Variants in BTNL8 observed in about 807,000 individuals in gnomAD.
The protein encoded by BTNL8 is butyrophilin like 8.
Under a neutral mutation model 36.1 loss-of-function variants are expected in BTNL8, and 22 were observed. The ratio of observed to expected loss-of-function variants is 0.61; its 90% CI spans 0.44 to 0.87. BTNL8 has a LOEUF of 0.87. Among genes scored for constraint, BTNL8 ranks in the 40% least tolerant of loss-of-function variants. The pLI is 0.00. For synonymous variants in BTNL8, 203 were observed against 235.6 expected, an observed-to-expected ratio of 0.86 and a Z score of 1.27; for missense variants, 526 against 616.9, an observed-to-expected ratio of 0.85 and a Z score of 1.56.
chr5:180,918,027 TC>T (rs1757719412), intron 3 of BTNL8, among the ~76,000 whole-genome samples: 1 of 88,056 alleles, frequency 1.1e-5, no homozygotes, highest in Non-Finnish European at 2.2e-5. Flanking sequence ...AGATTCTGTC[TC>T]AAAAAAAAAA....
At chr5:180,929,287 C>T (rs1308256506) in intron 3 of BTNL8, among the ~76,000 whole-genome samples, 1 of 152,108 alleles carries the variant, frequency 6.6e-6, no homozygotes, top group Non-Finnish European at 1.5e-5. Context: ...CACAATGTAC[C>T]AGAACCTCTG....
chr5:180,926,318 C>T (rs138732229), intron 3 of BTNL8, among the ~76,000 whole-genome samples: 6,815 of 152,250 alleles, frequency 0.045, 410 homozygotes, highest in African/African-American at 0.13. Flanking sequence ...TTCCCATGGT[C>T]TTTGCAACTC....
chr5:180,941,914 T>TTTTTTTTTTTTTTTTTTTTTTGAGACGG (rs1281454934), intron 3 of BTNL8, among the ~76,000 whole-genome samples: 1 of 150,986 alleles, frequency 6.6e-6, no homozygotes. Flanking sequence ...TTACTACTCT[T>TTTTTTTTTTTTTTTTTTTTTTGAGACGG]ATTCAACAAA....
chr5:180,907,404 T>C (rs200789257), intron 1 of BTNL8, among the ~76,000 whole-genome samples: 4,507 of 128,116 alleles, frequency 0.035, 266 homozygotes, highest in African/African-American at 0.16. Context: ...CTGTATTGGT[T>C]ATTCTAGTTA....
chr5:180,947,545 C>G lies in BTNL8; in HGVS notation c.707C>G (p.Ala236Gly). The G allele has an allele frequency of 6.2e-7, 1 of 1,613,950 alleles. No homozygotes were observed. Among genetic ancestry groups the G allele is most frequent in the Non-Finnish European group, 8.5e-7 (1 of 1,179,786 alleles). The stretch of plus-strand genomic sequence containing the variant: ...TTCGAGCCTATATCGTGGCACCTGG[C>G]TACCAAAGTACTGGGAATACTCTGC... ...TFFEPISWHL[A>G]TKVLGILCCG... The change falls in exon 4 of 8, where the codon GCT becomes GGT. Residue 236 changes from alanine (A) to glycine (G), a missense_variant. Ala to Gly is a moderately conservative substitution (Grantham distance 60). Transcript: ENST00000340184.
intron 3 of BTNL8, among the ~76,000 whole-genome samples, chr5:180,920,945 T>C (rs904353518): frequency 6.6e-6 from 1 of 152,128 alleles, no homozygotes; most frequent in African/African-American, 2.4e-5. Context: ...ATATTACAGG[T>C]GTTACTACAT....
intron 3 of BTNL8, among the ~76,000 whole-genome samples, chr5:180,916,078 AGT>A (rs2113794780): frequency 6.6e-6 from 1 of 152,324 alleles, no homozygotes; most frequent in African/African-American, 2.4e-5. Context: ...AGGGCCTTCT[AGT>A]TGTGTAATTC....
intron 3 of BTNL8, among the ~76,000 whole-genome samples, chr5:180,940,957 G>A (rs758750131): frequency 2.0e-5 from 3 of 152,060 alleles, no homozygotes; most frequent in Non-Finnish European, 4.4e-5. Context: ...GCTGGGCTTG[G>A]TGGCATGCAC....
At chr5:180,947,984 T>A in intron 4 of BTNL8, 1 of 678,842 alleles carries the variant, frequency 1.5e-6, no homozygotes, top group South Asian at 2.1e-5. Flanking sequence ...GACAATAAGA[T>A]AAAATTATAT....
chr5:180,920,754 T>C (rs1017635679), intron 3 of BTNL8, among the ~76,000 whole-genome samples: 3 of 151,932 alleles, frequency 2.0e-5, no homozygotes, highest in African/African-American at 7.2e-5. Context: ...CCAAAAATAT[T>C]CCAATTTTTA....
chr5:180,943,298 C>A (rs533497960), intron 3 of BTNL8, among the ~76,000 whole-genome samples: 1 of 151,666 alleles, frequency 6.6e-6, no homozygotes, highest in Non-Finnish European at 1.5e-5. Context: ...CCACACCCAG[C>A]TAATTTTTAT....
At chr5:180,932,833 A>G (rs1241687861) in intron 3 of BTNL8, among the ~76,000 whole-genome samples, 2 of 152,220 alleles carry the variant, frequency 1.3e-5, no homozygotes, top group Non-Finnish European at 2.9e-5. Context: ...GTACCTATAA[A>G]TAACCTTGAA....
At chr5:180,940,196 A>G (rs1758856386) in intron 3 of BTNL8, among the ~76,000 whole-genome samples, 1 of 152,066 alleles carries the variant, frequency 6.6e-6, no homozygotes, top group South Asian at 2.1e-4. Context: ...AATACAAAAA[A>G]TTGGCTGAGC....
At chr5:180,914,188 C>T (rs921610234) in intron 3 of BTNL8, among the ~76,000 whole-genome samples, 10 of 152,228 alleles carry the variant, frequency 6.6e-5, no homozygotes, top group Admixed American at 6.5e-4. Context: ...AGGACTATGC[C>T]CATATGAATG....
At chr5:180,943,130 CTTTTTTTT>C (rs35271643) in intron 3 of BTNL8, among the ~76,000 whole-genome samples, 2 of 100,654 alleles carry the variant, frequency 2.0e-5, no homozygotes, top group East Asian at 5.5e-4. Context: ...GGAAGATAGA[CTTTTTTTT>C]TTTTTTTTTT....
Position 180,908,678 on chromosome 5 carries a change from G to C in BTNL8, c.142G>C (p.Ala48Pro). 1 of 1,614,216 alleles carries C rather than the reference G, an allele frequency of 6.2e-7. No homozygotes were observed. The highest frequency in any genetic ancestry group is 8.5e-7 in the Non-Finnish European group (1 of 1,180,036). The stretch of plus-strand genomic sequence containing the variant: ...CTGTTTCCTGTCTCCTAAGACCAAT[G>C]CAGAGGCCATGGAAGTGCGGTTCTT... Reference protein sequence around the residue: ...FSCFLSPKTNAEAMEVRFFRG... With the variant: ...FSCFLSPKTNPEAMEVRFFRG... The change falls in exon 2 of 8, where the codon GCA (alanine) becomes CCA (proline). Residue 48 changes from alanine to proline, a missense_variant. Ala to Pro is a conservative substitution (Grantham distance 27). Transcript: ENST00000340184.
At position 180,902,460 on chromosome 5, in the gene BTNL8, C is replaced by T. The variant is rs574648461; in HGVS notation, c.49+3101C>T. On this transcript the variant is annotated intron_variant, in intron 1 of 7. Coordinates refer to ENST00000340184, the MANE Select transcript of BTNL8 (RefSeq NM_001040462.3). ...ATAGGATTGTGATGAATGTTTCCCC[C>T]TGATGCACATCTCCAGCCCAGCCCA... 195 of 1,485,754 alleles carry T rather than the reference C, an allele frequency of 1.3e-4. 3 individuals carry two copies. The South Asian group carries it at 2.3e-3, about 17-fold the overall frequency. 92.0% of individuals were successfully genotyped at this position (1,485,754 alleles called of 1,614,324 possible).
At chr5:180,907,707 G>A (rs1392269689) in intron 1 of BTNL8, among the ~76,000 whole-genome samples, 1 of 152,012 alleles carries the variant, frequency 6.6e-6, no homozygotes, top group Non-Finnish European at 1.5e-5. Flanking sequence ...TTTTGGTGTG[G>A]ATGTCCTTTC....
chr5:180,947,102 A>G (rs144750875), intron 3 of BTNL8, among the ~76,000 whole-genome samples: 146 of 152,314 alleles, frequency 9.6e-4, no homozygotes, highest in African/African-American at 3.2e-3. Flanking sequence ...GAAGTGAGGA[A>G]ACTTAGTCTA....
Sources: gnomAD v4.1 joint callset for allele counts (sites outside exome capture counted in the v4.1 genomes callset) on GRCh38, gnomAD v4.1.1 for gene constraint, MANE v1.5 for transcripts, NCBI Gene and HGNC (gene_info 2026-07-23, HGNC 2026-07-21) for gene names.